The following PDE10A variants were observed in gnomAD, a reference collection of about 807,000 sequenced individuals.
PDE10A encodes the protein phosphodiesterase 10A, also known as cAMP and cAMP-inhibited cGMP 3',5'-cyclic phosphodiesterase 10A.
Under a neutral mutation model 97.7 loss-of-function variants are expected in PDE10A, and 39 were observed. The ratio of observed to expected loss-of-function variants is 0.40; its 90% CI spans 0.31 to 0.52. The LOEUF (loss-of-function observed/expected upper bound fraction) is 0.52. PDE10A is among the 20% of genes least tolerant of loss of function. The pLI is 0.56. For missense variants in PDE10A, 731 were observed against 1,047.8 expected, an observed-to-expected ratio of 0.70 and a Z score of 4.17; for synonymous variants, 371 against 376.8, an observed-to-expected ratio of 0.98 and a Z score of 0.18.
chr6:165,898,370 G>A (rs13215993), intron 1 of PDE10A, among the ~76,000 whole-genome samples: 56,599 of 151,866 alleles, frequency 0.37, 11,343 homozygotes, highest in East Asian at 0.66. Context: ...GCACAGCCTC[G>A]GGTCATGGTG....
At chr6:165,686,218 C>A (rs1377473417) in intron 1 of PDE10A, among the ~76,000 whole-genome samples, 1 of 151,990 alleles carries the variant, frequency 6.6e-6, no homozygotes, top group Non-Finnish European at 1.5e-5. Context: ...TGACAGCGCT[C>A]GCTACACTCC....
intron 1 of PDE10A, among the ~76,000 whole-genome samples, chr6:165,903,576 A>G (rs527759076): frequency 2.0e-5 from 3 of 152,226 alleles, no homozygotes; most frequent in Non-Finnish European, 4.4e-5. Flanking sequence ...TGAGGTTTCA[A>G]TAAGACGTCC....
intron 1 of PDE10A, among the ~76,000 whole-genome samples, chr6:165,943,346 G>GAAAGAA (rs369730730): frequency 0.01 from 804 of 79,352 alleles, 114 homozygotes; most frequent in African/African-American, 0.038. Context: ...AGAAAGAAAA[G>GAAAGAA]AGAAAGAAAG....
intron 1 of PDE10A, among the ~76,000 whole-genome samples, chr6:165,906,407 G>A (rs1307845982): frequency 1.3e-5 from 2 of 151,930 alleles, no homozygotes; most frequent in African/African-American, 2.4e-5. Context: ...CCACAGTGCC[G>A]AAGTCACTTG....
chr6:165,781,417 C>T (rs1243679900), intron 1 of PDE10A: 1 of 152,288 alleles, frequency 6.6e-6, no homozygotes, highest in African/African-American at 2.4e-5. Context: ...ATCATGTTCT[C>T]CATCCAGGGA....
intron 5 of PDE10A, among the ~76,000 whole-genome samples, chr6:165,436,539 A>C (rs1790031596): frequency 6.6e-6 from 1 of 152,178 alleles, no homozygotes. Context: ...AAATGATTAG[A>C]AGCTAAGTTC....
intron 1 of PDE10A, among the ~76,000 whole-genome samples, chr6:165,559,954 C>A (rs1172653993): frequency 1.3e-5 from 2 of 152,166 alleles, no homozygotes; most frequent in Admixed American, 6.5e-5. Flanking sequence ...TCCATTAAGC[C>A]TCTTTTTCTT....
At chr6:165,620,110 T>C (rs1214006092) in intron 1 of PDE10A, among the ~76,000 whole-genome samples, 1 of 152,162 alleles carries the variant, frequency 6.6e-6, no homozygotes, top group Non-Finnish European at 1.5e-5. Context: ...CCATTAATTG[T>C]ATTATTTCCC....
At chr6:165,635,975 C>T (rs1788855060) in intron 1 of PDE10A, among the ~76,000 whole-genome samples, 1 of 152,200 alleles carries the variant, frequency 6.6e-6, no homozygotes, top group African/African-American at 2.4e-5. Flanking sequence ...GCAAATATCA[C>T]AAGCTAAGTG....
intron 1 of PDE10A, among the ~76,000 whole-genome samples, chr6:165,682,400 C>A (rs1791000941): frequency 6.6e-6 from 1 of 152,126 alleles, no homozygotes; most frequent in Admixed American, 6.6e-5. Flanking sequence ...TCCCAAAGTG[C>A]TGAGATTACA....
intron 2 of PDE10A, among the ~76,000 whole-genome samples, chr6:165,509,226 C>T (rs1781374170): frequency 6.6e-6 from 1 of 151,878 alleles, no homozygotes; most frequent in Non-Finnish European, 1.5e-5. Flanking sequence ...TCAGGGTACA[C>T]GAGTACTTAT....
At chr6:165,347,885 T>C (rs1362055414) in intron 18 of PDE10A, among the ~76,000 whole-genome samples, 1 of 151,862 alleles carries the variant, frequency 6.6e-6, no homozygotes, top group East Asian at 1.9e-4. Context: ...TAGACACATT[T>C]GTTGTTCTTC....
At chr6:165,694,108 G>T (rs1036887301) in intron 1 of PDE10A, among the ~76,000 whole-genome samples, 2 of 152,184 alleles carry the variant, frequency 1.3e-5, no homozygotes, top group Non-Finnish European at 2.9e-5. Context: ...GACTGTAAGT[G>T]TAACATAATT....
chr6:165,470,378 A>T (rs1778919135), intron 3 of PDE10A, among the ~76,000 whole-genome samples: 1 of 152,226 alleles, frequency 6.6e-6, no homozygotes, highest in Non-Finnish European at 1.5e-5. Context: ...TTATAATATT[A>T]TGCCTTTGAA....
chr6:165,786,760 G>A (rs1403057448), intron 1 of PDE10A, among the ~76,000 whole-genome samples: 1 of 152,114 alleles, frequency 6.6e-6, no homozygotes, highest in Non-Finnish European at 1.5e-5. Context: ...GAATACTAGA[G>A]CAACTCTAAA....
At chr6:165,572,317 C>T (rs1785087423) in intron 1 of PDE10A, among the ~76,000 whole-genome samples, 1 of 152,192 alleles carries the variant, frequency 6.6e-6, no homozygotes, top group Admixed American at 6.5e-5. Flanking sequence ...CTTAACATTT[C>T]TATGCCTCAA....
chr6:165,983,606 A>T (rs1273754395), intron 1 of PDE10A, among the ~76,000 whole-genome samples: 1 of 152,224 alleles, frequency 6.6e-6, no homozygotes, highest in African/African-American at 2.4e-5. Flanking sequence ...CATTTCATAC[A>T]TGCTATAATA....
At chr6:165,514,228 C>T (rs1047540120) in intron 2 of PDE10A, among the ~76,000 whole-genome samples, 1 of 152,146 alleles carries the variant, frequency 6.6e-6, no homozygotes, top group Admixed American at 6.5e-5. Flanking sequence ...TCATGAACAA[C>T]ATTTATCGGT....
intron 1 of PDE10A, among the ~76,000 whole-genome samples, chr6:165,800,882 C>T (rs529152216): frequency 3.9e-5 from 6 of 152,260 alleles, no homozygotes; most frequent in African/African-American, 9.6e-5. Context: ...ATTGCTCTTA[C>T]GGTAATAAGG....
Sources: allele counts gnomAD v4.1 joint callset (sites outside exome capture counted in the v4.1 genomes callset), GRCh38; gene constraint gnomAD v4.1.1; transcripts MANE v1.5; gene names NCBI Gene and HGNC (gene_info 2026-07-23, HGNC 2026-07-21).